The following RELN variants were observed in gnomAD, a reference collection of about 807,000 sequenced individuals.
RELN encodes reelin.
Under a neutral mutation model 427.6 loss-of-function variants are expected in RELN, and 108 were observed. The ratio of observed to expected loss-of-function variants is 0.25; its 90% confidence interval spans 0.22 to 0.30. The LOEUF (loss-of-function observed/expected upper bound fraction) is 0.30. RELN is among the 10% of genes least tolerant of loss of function. RELN has a pLI of 1.00. For synonymous variants in RELN, 1,524 were observed against 1,513.4 expected, an observed-to-expected ratio of 1.01 and a Z score of -0.16; for missense variants, 3,715 against 4,302.8, an observed-to-expected ratio of 0.86 and a Z score of 3.82.
intron 1 of RELN, among the ~76,000 whole-genome samples, chr7:103,939,547 G>A (rs1796064743): frequency 6.6e-6 from 1 of 152,150 alleles, no homozygotes; most frequent in African/African-American, 2.4e-5. Context: ...ACAGTGGTGG[G>A]TTGGTATAAC....
chr7:103,913,723 A>G (rs1795420684), intron 2 of RELN, among the ~76,000 whole-genome samples: 1 of 152,210 alleles, frequency 6.6e-6, no homozygotes, highest in Non-Finnish European at 1.5e-5. Context: ...ATTTTATTTA[A>G]AAAGACATTT....
At position 103,574,118 on chromosome 7, in the gene RELN, C is replaced by T. The variant is rs542018962; in HGVS notation, c.4485G>A (p.Thr1495=). 7.4e-6 allele frequency: 12 copies of T among 1,613,862 alleles called. No individual in the cohort carries two copies. Among genetic ancestry groups the T allele is most frequent in the South Asian group, 1.1e-5 (1 of 91,076 alleles). Residue 1495 remains threonine, a synonymous_variant, in exon 30 of 65, where the codon ACG becomes ACA. Coordinates refer to ENST00000428762, the MANE Select transcript of RELN (RefSeq NM_005045.4). ...TGATATTCCTGGTGTCCAGAGGGACCGTCCGGGCTTCCCTTTTCCCAGGGC... is the reference window on the plus strand; with the variant it reads ...TGATATTCCTGGTGTCCAGAGGGACTGTCCGGGCTTCCCTTTTCCCAGGGC... The part of the protein sequence containing the change: ...FNGPGKREAR[T]VPLDTRNIRL...
intron 5 of RELN, among the ~76,000 whole-genome samples, chr7:103,750,687 C>A (rs1790976555): frequency 6.6e-6 from 1 of 152,136 alleles, no homozygotes; most frequent in Admixed American, 6.5e-5. Context: ...GGCTTGCTTT[C>A]TCTCCTTCCC....
At chr7:103,795,499 G>A (rs1391747114) in intron 3 of RELN, among the ~76,000 whole-genome samples, 1 of 152,120 alleles carries the variant, frequency 6.6e-6, no homozygotes, top group East Asian at 1.9e-4. Context: ...AAAAAGCCAA[G>A]AACTTCCTAA....
intron 3 of RELN, among the ~76,000 whole-genome samples, chr7:103,804,178 A>G (rs1792539202): frequency 6.6e-6 from 1 of 152,042 alleles, no homozygotes; most frequent in Non-Finnish European, 1.5e-5. Flanking sequence ...GCATTTGTTT[A>G]TGGAAAATTT....
At chr7:103,703,006 A>C (rs796290323) in intron 8 of RELN, among the ~76,000 whole-genome samples, 11 of 152,260 alleles carry the variant, frequency 7.2e-5, no homozygotes, top group African/African-American at 2.6e-4. Context: ...GGTTATCTTG[A>C]AGCATTCATC....
intron 49 of RELN, among the ~76,000 whole-genome samples, chr7:103,518,504 A>ATTTTTTTTTTTTTTT (rs1584258670): frequency 1.1e-5 from 1 of 89,960 alleles, no homozygotes; most frequent in African/African-American, 1.2e-4. Flanking sequence ...AGGTAATTTA[A>ATTTTTTTTTTTTTTT]GTTTTTTTTT....
chr7:103,486,004 T>A (rs1828426813), intron 61 of RELN, among the ~76,000 whole-genome samples, 193 bp downstream of exon 61: 1 of 152,146 alleles, frequency 6.6e-6, no homozygotes, highest in South Asian at 2.1e-4. Flanking sequence ...AGCAATTCTC[T>A]AATAAATTTA....
At chr7:103,899,378 T>A (rs1243936411) in intron 2 of RELN, among the ~76,000 whole-genome samples, 1 of 152,126 alleles carries the variant, frequency 6.6e-6, no homozygotes, top group Non-Finnish European at 1.5e-5. Context: ...GAGGAACTGG[T>A]ACCATTCCTT....
At chr7:103,708,827 G>A (rs927446483) in intron 8 of RELN, among the ~76,000 whole-genome samples, 10 of 152,214 alleles carry the variant, frequency 6.6e-5, no homozygotes, top group African/African-American at 2.4e-4. Flanking sequence ...ACGCCCCTCA[G>A]AGGCCTTACC....
At chr7:103,676,782 C>A (rs570249562) in intron 11 of RELN, among the ~76,000 whole-genome samples, 15 of 151,188 alleles carry the variant, frequency 9.9e-5, no homozygotes, top group Admixed American at 9.9e-4. Flanking sequence ...AGCAAAATAT[C>A]GCAAGGACAG....
rs142874963 is a variant in RELN, at chr7:103,777,547, G to A, written c.474-920C>T. 6.6e-5 allele frequency among the ~76,000 whole-genome samples: 10 copies of A among 152,232 alleles called. No individual in the cohort carries two copies. The East Asian group carries it at 1.9e-3, about 29-fold the overall frequency. The stretch of plus-strand genomic sequence containing the variant: ...TCTGCTGAAGATGGATTATGTACAA[G>A]GCACTGTACTAGCTCACGACAGGGC... On this transcript the variant is annotated intron_variant, in intron 3 of 64. Transcript: ENST00000428762.
chr7:103,547,473 T>C (rs564206174), intron 41 of RELN, among the ~76,000 whole-genome samples: 1 of 152,240 alleles, frequency 6.6e-6, no homozygotes, highest in African/African-American at 2.4e-5. Flanking sequence ...ATTTTTGTAT[T>C]TTTAATAGAG....
At chr7:103,665,379 T>C (rs913182697) in intron 11 of RELN, among the ~76,000 whole-genome samples, 2 of 149,278 alleles carry the variant, frequency 1.3e-5, no homozygotes, top group East Asian at 4.0e-4. Flanking sequence ...TATATATATA[T>C]ATAAAATCTG....
Position 103,953,338 on chromosome 7 carries a change from C to G in RELN, c.226+35793G>C, listed in dbSNP as rs1796370000. On this transcript the variant is annotated intron_variant, in intron 1 of 64. Transcript: ENST00000428762. This position sits in a 1 kb window ranked among gnomAD's most constrained non-coding sequence, Gnocchi z 4.3. ...TATCATTTGGTTTCGGATCCACATT[C>G]ATAGCGTATTGCACTCTCTGCCACA... is the stretch of plus-strand genomic sequence containing the variant. Among the ~76,000 whole-genome samples the G allele has an allele frequency of 6.6e-6, 1 of 152,200 alleles. No homozygotes were observed. Among genetic ancestry groups the G allele is most frequent in the Non-Finnish European group, 1.5e-5 (1 of 68,032 alleles).
chr7:103,868,398 G>A (rs902705182), intron 2 of RELN, among the ~76,000 whole-genome samples: 2 of 152,038 alleles, frequency 1.3e-5, no homozygotes, highest in African/African-American at 4.8e-5. Flanking sequence ...ATATAGAAAT[G>A]AGTATATTTT....
At chr7:103,914,235 A>G (rs1795432749) in intron 2 of RELN, among the ~76,000 whole-genome samples, 1 of 152,134 alleles carries the variant, frequency 6.6e-6, no homozygotes, top group Non-Finnish European at 1.5e-5. Context: ...TGCATTTTAT[A>G]TGTTCTCTCA....
intron 4 of RELN, among the ~76,000 whole-genome samples, chr7:103,773,499 T>C (rs1791659961): frequency 6.8e-6 from 1 of 146,500 alleles, no homozygotes; most frequent in African/African-American, 2.5e-5. Context: ...TTTGACAGAG[T>C]CTCACTGTTG....
chr7:103,494,970 GGAGA>G (rs370270033), intron 57 of RELN, among the ~76,000 whole-genome samples: 1 of 151,860 alleles, frequency 6.6e-6, no homozygotes, highest in Non-Finnish European at 1.5e-5. Flanking sequence ...GGAAGGGAAG[GGAGA>G]GAGAGAGAAC....
Sources: allele counts gnomAD v4.1 joint callset (sites outside exome capture counted in the v4.1 genomes callset), GRCh38; gene constraint gnomAD v4.1.1; non-coding constraint Gnocchi (gnomAD v3.1); transcripts MANE v1.5; gene names NCBI Gene and HGNC (gene_info 2026-07-23, HGNC 2026-07-21).